The following GALNT13 variants were observed in gnomAD, a reference collection of about 807,000 sequenced individuals.
GALNT13 encodes polypeptide N-acetylgalactosaminyltransferase 13, also known as UDP-GalNAc:polypeptide N-acetylgalactosaminyltransferase 13.
A neutral mutation model predicts 64.2 loss-of-function variants in GALNT13; 28 were observed. The ratio of observed to expected loss-of-function variants is 0.44; its 90% CI spans 0.32 to 0.60. The LOEUF (loss-of-function observed/expected upper bound fraction) is 0.60, where lower values mean the gene tolerates loss of function less well. Ranked by LOEUF, GALNT13 falls within the 20% of genes least tolerant of loss-of-function variation. GALNT13 has a pLI of 0.05. For missense variants in GALNT13, 577 were observed against 669.8 expected (o/e 0.86, Z 1.53); for synonymous variants, 214 against 224.6 (o/e 0.95, Z 0.42).
At chr2:154,126,718 G>T (rs971071672) in intron 3 of GALNT13, among the ~76,000 whole-genome samples, 2 of 152,068 alleles carry the variant, frequency 1.3e-5, no homozygotes, top group African/African-American at 2.4e-5. Context: ...TTGAGATTTT[G>T]TGATTTTCTA....
chr2:154,346,868 T>G (rs1696096593), intron 9 of GALNT13, among the ~76,000 whole-genome samples: 2 of 152,112 alleles, frequency 1.3e-5, no homozygotes, highest in South Asian at 4.1e-4. Flanking sequence ...CCATGCAAAT[T>G]ACATCTTCTA....
intron 8 of GALNT13, among the ~76,000 whole-genome samples, chr2:154,285,979 T>A (rs1692242325): frequency 6.6e-6 from 1 of 152,238 alleles, no homozygotes; most frequent in South Asian, 2.1e-4. Context: ...TTATTTTCCA[T>A]TTCTTTTTAA....
At chr2:153,935,253 A>G (rs1690821596) in intron 2 of GALNT13, among the ~76,000 whole-genome samples, 1 of 152,226 alleles carries the variant, frequency 6.6e-6, no homozygotes, top group South Asian at 2.1e-4. Flanking sequence ...AAGGGAGTTT[A>G]CATAGAACTG....
intron 4 of GALNT13, among the ~76,000 whole-genome samples, chr2:154,214,305 C>T (rs1687929628): frequency 2.0e-5 from 3 of 152,170 alleles, no homozygotes; most frequent in African/African-American, 7.2e-5. Flanking sequence ...TTTCCATCTC[C>T]TTGGTTTCCA....
At chr2:154,135,186 C>T (rs1325212126) in intron 3 of GALNT13, among the ~76,000 whole-genome samples, 5 of 152,204 alleles carry the variant, frequency 3.3e-5, no homozygotes, top group African/African-American at 9.6e-5. Flanking sequence ...TTCCTTCCTG[C>T]CTGCCTGCCT....
chr2:153,302,705 T>C, the GALNT13 span, among the ~76,000 whole-genome samples: 1 of 152,206 alleles, frequency 6.6e-6, no homozygotes, highest in Non-Finnish European at 1.5e-5. Context: ...GTTAAGACTT[T>C]AATTCATTTT....
At chr2:154,320,153 T>C (rs1694547675) in intron 9 of GALNT13, among the ~76,000 whole-genome samples, 1 of 152,138 alleles carries the variant, frequency 6.6e-6, no homozygotes, top group Non-Finnish European at 1.5e-5. Flanking sequence ...GGTTTTTCTC[T>C]GCCAAATGAT....
chr2:153,945,304 T>A (rs2105387216), intron 3 of GALNT13, among the ~76,000 whole-genome samples: 1 of 152,300 alleles, frequency 6.6e-6, no homozygotes, highest in South Asian at 2.1e-4. Context: ...TAGAGATTTG[T>A]TTTCTGTGAA....
the GALNT13 span, among the ~76,000 whole-genome samples, chr2:153,788,890 A>G: frequency 0.036 from 5,462 of 152,330 alleles, 322 homozygotes; most frequent in African/African-American, 0.12. Flanking sequence ...CAATTCAACA[A>G]GAAGACCTAA....
At chr2:153,415,498 T>A in the GALNT13 span, among the ~76,000 whole-genome samples, 1 of 152,206 alleles carries the variant, frequency 6.6e-6, no homozygotes, top group Admixed American at 6.5e-5. Context: ...CTGTGTTAAA[T>A]CTTACTTGAT....
the GALNT13 span, among the ~76,000 whole-genome samples, chr2:153,199,069 A>C: frequency 5.9e-5 from 9 of 152,254 alleles, no homozygotes; most frequent in East Asian, 1.7e-3. Flanking sequence ...AGTCTGTAAC[A>C]ATAGTGTTGA....
At chr2:153,496,442 A>G in the GALNT13 span, among the ~76,000 whole-genome samples, 2 of 152,226 alleles carry the variant, frequency 1.3e-5, no homozygotes, top group Non-Finnish European at 2.9e-5. Context: ...TGCATAGAAC[A>G]TTTGTTTGAT....
At chr2:153,225,823 G>C in the GALNT13 span, among the ~76,000 whole-genome samples, 1 of 152,116 alleles carries the variant, frequency 6.6e-6, no homozygotes. Context: ...AGAAATAAAA[G>C]ATCTAAATGA....
At chr2:154,088,690 C>G (rs908320567) in intron 3 of GALNT13, among the ~76,000 whole-genome samples, 3 of 151,998 alleles carry the variant, frequency 2.0e-5, no homozygotes, top group Non-Finnish European at 4.4e-5. Flanking sequence ...TGACGTCAGG[C>G]GATTCACCCA....
chr2:153,810,212 T>G, the GALNT13 span, among the ~76,000 whole-genome samples: 1 of 152,020 alleles, frequency 6.6e-6, no homozygotes, highest in Non-Finnish European at 1.5e-5. Flanking sequence ...ATCCACCCAC[T>G]TCAGCCTCCC....
chr2:153,474,836 A>G, the GALNT13 span, among the ~76,000 whole-genome samples: 1 of 152,186 alleles, frequency 6.6e-6, no homozygotes, highest in African/African-American at 2.4e-5. Flanking sequence ...GACTCCCACT[A>G]ATTACTGACC....
chr2:153,888,468 A>C (rs1687336888), intron 1 of GALNT13, among the ~76,000 whole-genome samples: 1 of 151,976 alleles, frequency 6.6e-6, no homozygotes, highest in Non-Finnish European at 1.5e-5. Flanking sequence ...TAAATAAATT[A>C]TTTTTAAAAC....
At chr2:153,176,287 G>A in the GALNT13 span, among the ~76,000 whole-genome samples, 2 of 152,028 alleles carry the variant, frequency 1.3e-5, no homozygotes, top group Non-Finnish European at 2.9e-5. Flanking sequence ...TGCTCTGGGG[G>A]GATATGCTGT....
chr2:154,015,814 C>A (rs959964215), intron 3 of GALNT13, among the ~76,000 whole-genome samples: 2 of 152,018 alleles, frequency 1.3e-5, no homozygotes, highest in African/African-American at 4.8e-5. Flanking sequence ...TACTCTCCTG[C>A]CTAAAAAGAA....
Sources: allele counts gnomAD v4.1 joint callset (sites outside exome capture counted in the v4.1 genomes callset), GRCh38; gene constraint gnomAD v4.1.1; transcripts MANE v1.5; gene names NCBI Gene and HGNC (gene_info 2026-07-23, HGNC 2026-07-21).